The following NKAIN2 variants were observed in gnomAD, a reference collection of about 807,000 sequenced individuals.
The protein encoded by NKAIN2 is sodium/potassium-transporting ATPase subunit beta-1-interacting protein 2.
In NKAIN2, 14 loss-of-function variants were observed where a neutral mutation model predicts 32.6. That is an observed-to-expected ratio of 0.43 (90% CI 0.28 to 0.67). The LOEUF is 0.67. Among genes scored for constraint, NKAIN2 ranks in the 30% least tolerant of loss-of-function variants. The pLI is 0.17. For missense variants in NKAIN2, 198 were observed against 258.3 expected (o/e 0.77, Z 1.60); for synonymous variants, 80 against 87.2 (o/e 0.92, Z 0.46).
At chr6:124,245,789 C>T (rs1294260903) in intron 1 of NKAIN2, among the ~76,000 whole-genome samples, 2 of 151,996 alleles carry the variant, frequency 1.3e-5, no homozygotes, top group Non-Finnish European at 2.9e-5. Context: ...ACATGCATCA[C>T]ATCCTTTCTA....
At chr6:124,562,405 G>T (rs771823604) in intron 3 of NKAIN2, among the ~76,000 whole-genome samples, 1 of 152,088 alleles carries the variant, frequency 6.6e-6, no homozygotes, top group Non-Finnish European at 1.5e-5. Context: ...CTGTGGTTTA[G>T]TTTATTTTTC....
intron 3 of NKAIN2, among the ~76,000 whole-genome samples, chr6:124,638,985 C>T (rs1297514456): frequency 6.7e-6 from 1 of 148,272 alleles, no homozygotes; most frequent in Non-Finnish European, 1.5e-5. Flanking sequence ...AAAAAATAAT[C>T]AGCACCACTA....
At chr6:124,081,117 TTCCTC>T (rs1275066830) in intron 1 of NKAIN2, among the ~76,000 whole-genome samples, 1 of 152,134 alleles carries the variant, frequency 6.6e-6, no homozygotes, top group Non-Finnish European at 1.5e-5. Flanking sequence ...CATATTGACT[TTCCTC>T]TATGCAGTTT....
chr6:123,942,286 A>G (rs1194396683), intron 1 of NKAIN2, among the ~76,000 whole-genome samples: 6 of 152,038 alleles, frequency 3.9e-5, no homozygotes, highest in African/African-American at 1.2e-4. Flanking sequence ...ACTAATACTA[A>G]TAGAATAATA....
chr6:124,697,918 G>A (rs977947583), intron 4 of NKAIN2, among the ~76,000 whole-genome samples: 5 of 152,112 alleles, frequency 3.3e-5, no homozygotes, highest in Non-Finnish European at 7.4e-5. Flanking sequence ...GAGTCAGCAA[G>A]GATGGTGTGT....
intron 1 of NKAIN2, among the ~76,000 whole-genome samples, chr6:124,275,605 A>T (rs1321195729): frequency 6.6e-6 from 1 of 152,152 alleles, no homozygotes; most frequent in African/African-American, 2.4e-5. Context: ...CAACAGATTT[A>T]ATATATGGGG....
chr6:123,849,216 C>T (rs1329269155), intron 1 of NKAIN2, among the ~76,000 whole-genome samples: 5 of 152,204 alleles, frequency 3.3e-5, no homozygotes, highest in East Asian at 1.9e-4. Context: ...TATTATTTTC[C>T]GTCACTTTTA....
intron 1 of NKAIN2, among the ~76,000 whole-genome samples, chr6:124,142,880 G>T (rs935609751): frequency 6.6e-6 from 1 of 152,010 alleles, no homozygotes; most frequent in Non-Finnish European, 1.5e-5. Context: ...GACAAATTTT[G>T]TAAAAAAGAA....
At chr6:124,722,975 C>A (rs1390090957) in intron 4 of NKAIN2, among the ~76,000 whole-genome samples, 2 of 152,154 alleles carry the variant, frequency 1.3e-5, no homozygotes, top group Non-Finnish European at 2.9e-5. Context: ...ACATGAGGAA[C>A]ATCTAGATTC....
Position 124,456,809 on chromosome 6 carries a change from G to A in NKAIN2, c.273+101462G>A, listed in dbSNP as rs545815607. Among the ~76,000 whole-genome samples, 18 of 151,612 alleles carry A rather than the reference G, an allele frequency of 1.2e-4. No individual in the cohort carries two copies. In the South Asian group the frequency reaches 3.8e-3, roughly 32 times the overall value. Reference sequence around the variant, plus strand: ...TTATTTTATTTTTACTAAAACTTGTGGTATGTTATACATTATATTAAGAAA... The same window carrying A: ...TTATTTTATTTTTACTAAAACTTGTAGTATGTTATACATTATATTAAGAAA... On this transcript the variant is annotated intron_variant, in intron 3 of 6. Coordinates refer to ENST00000368417, the MANE Select transcript of NKAIN2 (RefSeq NM_001040214.3).
intron 4 of NKAIN2, among the ~76,000 whole-genome samples, chr6:124,703,636 C>T (rs1774909377): frequency 1.3e-5 from 2 of 152,008 alleles, no homozygotes; most frequent in African/African-American, 4.8e-5. Flanking sequence ...GTGGAAAACA[C>T]TTATCAGTCC....
intron 4 of NKAIN2, among the ~76,000 whole-genome samples, chr6:124,766,533 T>A (rs1012302226): frequency 6.6e-6 from 1 of 152,202 alleles, no homozygotes; most frequent in African/African-American, 2.4e-5. Flanking sequence ...ATGTTTCCGA[T>A]GAAAGATTCT....
At chr6:124,400,649 A>C (rs1054109384) in intron 3 of NKAIN2, among the ~76,000 whole-genome samples, 2 of 152,170 alleles carry the variant, frequency 1.3e-5, no homozygotes, top group African/African-American at 4.8e-5. Context: ...TTCTCTTCAA[A>C]AAAGAAGATT....
At chr6:124,574,641 A>G (rs768834668) in intron 3 of NKAIN2, among the ~76,000 whole-genome samples, 2 of 152,078 alleles carry the variant, frequency 1.3e-5, no homozygotes, top group Non-Finnish European at 2.9e-5. Flanking sequence ...AAAAACAACA[A>G]TGAACAAACA....
intron 1 of NKAIN2, among the ~76,000 whole-genome samples, chr6:124,228,324 C>A (rs1479804635): frequency 6.6e-6 from 1 of 152,090 alleles, no homozygotes; most frequent in Non-Finnish European, 1.5e-5. Flanking sequence ...TATGAGTATA[C>A]AACAAGAAGT....
intron 3 of NKAIN2, among the ~76,000 whole-genome samples, chr6:124,644,635 A>C (rs1193606593): frequency 6.6e-6 from 1 of 152,048 alleles, no homozygotes; most frequent in Non-Finnish European, 1.5e-5. Flanking sequence ...TGATCTCCTG[A>C]CCTTGTGATC....
intron 1 of NKAIN2, among the ~76,000 whole-genome samples, chr6:123,892,431 G>GT (rs2114378098): frequency 6.6e-6 from 1 of 152,180 alleles, no homozygotes; most frequent in South Asian, 2.1e-4. Flanking sequence ...GAGAGAATGA[G>GT]TGCAAGCAGG....
intron 3 of NKAIN2, among the ~76,000 whole-genome samples, chr6:124,563,653 G>A (rs1239370956): frequency 6.6e-6 from 1 of 152,102 alleles, no homozygotes; most frequent in Non-Finnish European, 1.5e-5. Flanking sequence ...TTAATTAGTA[G>A]GAGTATTTGA....
intron 4 of NKAIN2, among the ~76,000 whole-genome samples, chr6:124,687,598 T>G (rs1207497157): frequency 1.7e-4 from 22 of 133,274 alleles, no homozygotes; most frequent in South Asian, 2.2e-4. Flanking sequence ...TAAATATATA[T>G]TATGTATATA....
Sources: gnomAD v4.1 joint callset for allele counts (sites outside exome capture counted in the v4.1 genomes callset) on GRCh38, gnomAD v4.1.1 for gene constraint, MANE v1.5 for transcripts, NCBI Gene and HGNC (gene_info 2026-07-23, HGNC 2026-07-21) for gene names.